PRR12: variants seen among roughly 807,000 people sequenced by gnomAD.
PRR12 encodes proline-rich protein 12.
A neutral mutation model predicts 138.0 loss-of-function variants in PRR12; 12 were observed. That is an observed-to-expected ratio of 0.09 (90% CI 0.06 to 0.14). The LOEUF is 0.14. Among genes scored for constraint, PRR12 ranks in the 10% least tolerant of loss-of-function variants. The pLI is 1.00. For missense variants in PRR12, 2,692 were observed against 2,861.3 expected, an observed-to-expected ratio of 0.94 and a Z score of 1.35; for synonymous variants, 1,567 against 1,291.7, an observed-to-expected ratio of 1.21 and a Z score of -4.57.
Position 49,593,344 on chromosome 19 carries a change from C to A in PRR12, c.104C>A (p.Ser35Tyr). ...CCCCCCAGCTTGGTTTATGGCAGCT[C>A]CAGGACCTCGCACCCCGAGACGGAC... ...SAKASLVYGS[S>Y]RTSHPETDIL... The change falls in exon 2 of 14, where the codon TCC becomes TAC. Residue 35 changes from serine (S) to tyrosine (Y), a missense_variant. Coordinates refer to ENST00000418929, the MANE Select transcript of PRR12 (RefSeq NM_020719.3). The A allele has an allele frequency of 1.2e-6, 2 of 1,609,724 alleles. No homozygotes were observed. Among genetic ancestry groups the A allele is most frequent in the Non-Finnish European group, 1.7e-6 (2 of 1,177,812 alleles).
chr19:49,615,109 CAGAG>C (rs1599799022), intron 8 of PRR12, 100 bp downstream of exon 8: 9 of 1,515,896 alleles, frequency 5.9e-6, no homozygotes, highest in Admixed American at 1.8e-5. Context: ...GGGGTGGGGA[CAGAG>C]AGAGGAGACA....
At chr19:49,613,760 T>C (rs1204860202) in intron 6 of PRR12, among the ~76,000 whole-genome samples, 2 of 152,218 alleles carry the variant, frequency 1.3e-5, no homozygotes, top group Non-Finnish European at 2.9e-5. Context: ...TTTTTCAGTG[T>C]CTTAGACTCC....
chr19:49,592,097 C>G lies in PRR12; in HGVS notation c.86+357C>G, dbSNP rs543248282. 2.4e-4 allele frequency among the ~76,000 whole-genome samples: 37 copies of G among 151,614 alleles called. 1 individual carries two copies. Among genetic ancestry groups the G allele is most frequent in the African/African-American group, 8.5e-4 (35 of 41,408 alleles). ...ACCCCTCCCCCCCGCGCCCCAGGCA[C>G]TGCTCTTGCAAAGGTGGGAAGAAGA... On this transcript the variant is annotated intron_variant, in intron 1 of 13. Coordinates refer to ENST00000418929, the MANE Select transcript of PRR12 (RefSeq NM_020719.3).
Position 49,594,758 on chromosome 19 carries a change from C to T in PRR12, c.423C>T (p.Thr141=), listed in dbSNP as rs1465995483. Residue 141 remains threonine (T), a synonymous_variant, in exon 4 of 14, where the codon ACC becomes ACT. Coordinates refer to ENST00000418929, the MANE Select transcript of PRR12 (RefSeq NM_020719.3). The surrounding 1 kb of genome is among the most constrained non-coding windows in gnomAD (Gnocchi z 5.6). ...FISGALPGSS[T]FPSSSALSAY... ...CGGGTGCCCTGCCGGGTTCCAGCAC[C>T]TTTCCGTCCTCATCTGCCCTGTCGG... 1 of 1,613,440 alleles carries T rather than the reference C, an allele frequency of 6.2e-7. No homozygotes were observed. The highest frequency in any genetic ancestry group is 8.5e-7 in the Non-Finnish European group (1 of 1,179,826).
Position 49,596,787 on chromosome 19 carries a change from A to G in PRR12, c.2452A>G (p.Lys818Glu). Reference protein sequence around the residue: ...HAPSPSPSASKVGVHLLEPAT... With the variant: ...HAPSPSPSASEVGVHLLEPAT... ...CCCCAGTCCCTCTCCCAGCGCCTCCAAAGTCGGCGTCCACCTCCTTGAGCC... is the reference window on the plus strand; with the variant it reads ...CCCCAGTCCCTCTCCCAGCGCCTCCGAAGTCGGCGTCCACCTCCTTGAGCC... Residue 818 changes from lysine (K) to glutamate (E), a missense_variant, in exon 4 of 14, where the codon AAA becomes GAA. By Grantham distance (56) the Lys-to-Glu change is moderately conservative. This residue lies in a region of PRR12 where 840 missense variants were observed against 689.8 expected (regional missense o/e 1.22). Transcript: ENST00000418929. This position sits in a 1 kb window ranked among gnomAD's most constrained non-coding sequence, Gnocchi z 5.6. 1 of 1,597,658 alleles carries G rather than the reference A, an allele frequency of 6.3e-7. No individual in the cohort carries two copies.
intron 6 of PRR12, among the ~76,000 whole-genome samples, chr19:49,611,288 G>A (rs555965470): frequency 1.1e-4 from 17 of 151,854 alleles, no homozygotes; most frequent in Non-Finnish European, 2.1e-4. Context: ...TCATGGTTGT[G>A]CCACTGCACT....
chr19:49,620,473 G>T lies in PRR12; in HGVS notation c.5619G>T (p.Thr1873=). 3 of 1,557,602 alleles carry T rather than the reference G, an allele frequency of 1.9e-6. No homozygotes were observed. The highest frequency in any genetic ancestry group is 2.6e-6 in the Non-Finnish European group (3 of 1,150,394). Residue 1873 remains threonine (T), a synonymous_variant, in exon 10 of 14, where the codon ACG becomes ACT. Transcript: ENST00000418929. ...ACATGATCCAGGCCCTGGAGGACAC[G>T]CATGGTGAGCTGAGGCCTGGGGAGG... ...DPDMIQALED[T]HDELYLPPMR...
Position 49,597,774 on chromosome 19 carries a change from C to G in PRR12, c.3439C>G (p.Pro1147Ala), listed in dbSNP as rs776683407. Residue 1147 changes from proline to alanine, a missense_variant, in exon 4 of 14, where the codon CCA becomes GCA. Physicochemically the swap from Pro to Ala is conservative, Grantham distance 27. This residue lies in a region of PRR12 where 326 missense variants were observed against 344.2 expected (regional missense o/e 0.95). Transcript: ENST00000418929. This position sits in a 1 kb window ranked among gnomAD's most constrained non-coding sequence, Gnocchi z 6.3. Reference sequence around the variant, plus strand: ...GGACATCGACTTCTGCCCACCCAACCCAGGACCCGATGGCCCCCGGCGCCG... The same window carrying G: ...GGACATCGACTTCTGCCCACCCAACGCAGGACCCGATGGCCCCCGGCGCCG... ...LGDIDFCPPN[P>A]GPDGPRRRGR... The G allele has an allele frequency of 8.8e-6, 14 of 1,599,874 alleles. No homozygotes were observed. The highest frequency in any genetic ancestry group is 1.2e-5 in the Non-Finnish European group (14 of 1,173,812).
chr19:49,597,524 C>T lies in PRR12; in HGVS notation c.3189C>T (p.Ile1063=), dbSNP rs1405166986. 13 of 1,562,996 alleles carry T rather than the reference C, an allele frequency of 8.3e-6. No individual in the cohort carries two copies. The highest frequency in any genetic ancestry group is 1.7e-4 in the Middle Eastern group (1 of 6,034). ...CCAAGGGTGGCCTCACCTCGCCCAT[C>T]TTCTGCTCTACCAAGCCAAAGAAGC... is the stretch of plus-strand genomic sequence containing the variant. ...SEPKGGLTSP[I]FCSTKPKKLL... is the part of the protein sequence containing the mutation. The change falls in exon 4 of 14, where the codon ATC becomes ATT. Residue 1063 remains isoleucine, a synonymous_variant. Coordinates refer to ENST00000418929, the MANE Select transcript of PRR12 (RefSeq NM_020719.3). This position sits in a 1 kb window ranked among gnomAD's most constrained non-coding sequence, Gnocchi z 6.3.
chr19:49,597,788 C>T lies in PRR12; in HGVS notation c.3453C>T (p.Gly1151=), dbSNP rs751315809. 1 of 1,581,574 alleles carries T rather than the reference C, an allele frequency of 6.3e-7. No homozygotes were observed. The highest frequency in any genetic ancestry group is 1.1e-5 in the South Asian group (1 of 87,224). The change falls in exon 4 of 14, where the codon GGC becomes GGT. Residue 1151 remains glycine (G), a synonymous_variant. Coordinates refer to ENST00000418929, the MANE Select transcript of PRR12 (RefSeq NM_020719.3). This position sits in a 1 kb window ranked among gnomAD's most constrained non-coding sequence, Gnocchi z 6.3. ...GCCCACCCAACCCAGGACCCGATGG[C>T]CCCCGGCGCCGTGGCCGCAAGCCCA... ...DFCPPNPGPD[G]PRRRGRKPTK...
Position 49,598,437 on chromosome 19 carries a change from G to A in PRR12, c.3678+424G>A, listed in dbSNP as rs756897663. Among the ~76,000 whole-genome samples, 64 of 152,212 alleles carry A rather than the reference G, an allele frequency of 4.2e-4. No individual in the cohort carries two copies. The Middle Eastern group carries it at 0.017, about 40-fold the overall frequency. ...GCACCTTGGCATTTTTGGGGCAGGG[G>A]GATAATAAGGTTTACATTTCTAAAA... is the stretch of plus-strand genomic sequence containing the variant. On this transcript the variant is annotated intron_variant, in intron 4 of 13. Transcript: ENST00000418929.
In PRR12 at chr19:49,607,060, G is replaced by A. The variant is rs141280817; in HGVS notation, c.4773+5142G>A. 5.7e-3 allele frequency among the ~76,000 whole-genome samples: 871 copies of A among 151,856 alleles called. 4 individuals carry two copies. The highest frequency in any genetic ancestry group is 0.017 in the Middle Eastern group (5 of 292). On this transcript the variant is annotated intron_variant, in intron 6 of 13. Transcript: ENST00000418929. Reference sequence around the variant, plus strand: ...TGCTGTAATCTCAGCACTTTGGGAGGACGAGGCAGGATTGTTTGAGCCCAG... The same window carrying A: ...TGCTGTAATCTCAGCACTTTGGGAGAACGAGGCAGGATTGTTTGAGCCCAG...
In PRR12 at chr19:49,616,583, AATAG is replaced by A. The variant is rs2080894629; in HGVS notation, c.5497+365_5497+368del. Among the ~76,000 whole-genome samples the A allele has an allele frequency of 6.6e-6, 1 of 152,014 alleles. No individual in the cohort carries two copies. Among genetic ancestry groups the A allele is most frequent in the Non-Finnish European group, 1.5e-5 (1 of 68,002 alleles). ...TCTTCAGTGCTGCGTTCTGCCTCAT[AATAG>A]GCAAGATTTGAGGGCTGAGGAAGAT... On this transcript the variant is annotated intron_variant, in intron 9 of 13. Transcript: ENST00000418929. The surrounding 1 kb of genome is among the most constrained non-coding windows in gnomAD (Gnocchi z 4.2).
In PRR12 at chr19:49,595,937, T is replaced by C. The variant is rs764346777; in HGVS notation, c.1602T>C (p.Ser534=). 3 of 1,601,440 alleles carry C rather than the reference T, an allele frequency of 1.9e-6. No homozygotes were observed. The highest frequency in any genetic ancestry group is 1.7e-6 in the Non-Finnish European group (2 of 1,179,636). Reference sequence around the variant, plus strand: ...CAGCCAGCCCCTCGCTCAGCTACAGTACCGGCCATTCCCCAGCGCTCTCGG... The same window carrying C: ...CAGCCAGCCCCTCGCTCAGCTACAGCACCGGCCATTCCCCAGCGCTCTCGG... The part of the protein sequence containing the change: ...LPTASPSLSY[S]TGHSPALSGH... The change falls in exon 4 of 14, where the codon AGT becomes AGC. Residue 534 remains serine (S), a synonymous_variant. Transcript: ENST00000418929.
Position 49,599,210 on chromosome 19 carries a change from G to A in PRR12, c.3679-62G>A. 2 of 1,463,312 alleles carry A rather than the reference G, an allele frequency of 1.4e-6. No homozygotes were observed. Among genetic ancestry groups the A allele is most frequent in the Middle Eastern group, 2.3e-4 (1 of 4,314 alleles). 90.6% of individuals were successfully genotyped at this position (1,463,312 alleles called of 1,614,324 possible). ...GTAAATTTGGATTTTTGGGGGCTGA[G>A]GGAGGATGGGACTGGGGGCCCAGGC... On this transcript the variant is annotated intron_variant, in intron 4 of 13. Coordinates refer to ENST00000418929, the MANE Select transcript of PRR12 (RefSeq NM_020719.3). This position sits in a 1 kb window ranked among gnomAD's most constrained non-coding sequence, Gnocchi z 5.0.
chr19:49,619,312 C>T (rs557439632), intron 9 of PRR12, among the ~76,000 whole-genome samples: 26 of 150,132 alleles, frequency 1.7e-4, no homozygotes, highest in African/African-American at 5.2e-4. Context: ...CTCAGCTCAC[C>T]GCAACCTCTG....
Position 49,595,077 on chromosome 19 carries a change from C to T in PRR12, c.742C>T (p.Leu248=), listed in dbSNP as rs2080756407. The part of the protein sequence containing the change: ...PRHLPTQFNL[L]ASSSAAAAAA... ...CCACCTCCCAACTCAGTTCAACCTG[C>T]TGGCTTCCTCTTCCGCTGCCGCCGC... Residue 248 remains leucine (L), a synonymous_variant, in exon 4 of 14, where the codon CTG becomes TTG. Transcript: ENST00000418929. The T allele has an allele frequency of 6.8e-6, 11 of 1,611,746 alleles. No homozygotes were observed. The highest frequency in any genetic ancestry group is 2.2e-5 in the East Asian group (1 of 44,868).
At chr19:49,620,010 G>A (rs570607517) in intron 9 of PRR12, among the ~76,000 whole-genome samples, 8 of 151,834 alleles carry the variant, frequency 5.3e-5, no homozygotes, top group Middle Eastern at 3.4e-3. Context: ...GTGCCACCAC[G>A]CCTGGATAAT....
chr19:49,613,937 C>T (rs1022660115), intron 6 of PRR12, among the ~76,000 whole-genome samples: 1 of 152,044 alleles, frequency 6.6e-6, no homozygotes, highest in Non-Finnish European at 1.5e-5. Context: ...GGAGAAACCC[C>T]GTCTCTACTA....
Sources: gnomAD v4.1 joint callset for allele counts (sites outside exome capture counted in the v4.1 genomes callset) on GRCh38, gnomAD v4.1.1 for gene constraint, gnomAD v4.1.1 regional missense constraint, Gnocchi (gnomAD v3.1) non-coding constraint, MANE v1.5 for transcripts, NCBI Gene and HGNC (gene_info 2026-07-23, HGNC 2026-07-21) for gene names.